The following RCAN2 variants were observed in gnomAD, a reference collection of about 807,000 sequenced individuals.
RCAN2 encodes calcipressin-2.
A neutral mutation model predicts 23.6 loss-of-function variants in RCAN2; 9 were observed. The observed-to-expected ratio is 0.38, with a 90% CI of 0.23 to 0.67. The LOEUF (loss-of-function observed/expected upper bound fraction) is 0.67. RCAN2 is among the 30% of genes least tolerant of loss of function. The probability of loss-of-function intolerance (pLI) is 0.51; values close to 1 mark genes in which losing one functional copy is unlikely to be tolerated. For missense variants in RCAN2, 273 were observed against 302.3 expected, an observed-to-expected ratio of 0.90 and a Z score of 0.72; for synonymous variants, 109 against 115.7, an observed-to-expected ratio of 0.94 and a Z score of 0.37.
intron 2 of RCAN2, among the ~76,000 whole-genome samples, chr6:46,279,780 C>G (rs1767840395): frequency 6.6e-6 from 1 of 152,156 alleles, no homozygotes; most frequent in Non-Finnish European, 1.5e-5. Flanking sequence ...AACTGTCAGT[C>G]TTGTCATCTG....
At chr6:46,229,617 C>T (rs537885014) in intron 4 of RCAN2, among the ~76,000 whole-genome samples, 2 of 152,320 alleles carry the variant, frequency 1.3e-5, no homozygotes, top group Admixed American at 6.5e-5. Context: ...TTTTCAGCTC[C>T]ATCAGGTCAT....
At chr6:46,240,564 A>G (rs1397608323) in intron 4 of RCAN2, among the ~76,000 whole-genome samples, 1 of 152,278 alleles carries the variant, frequency 6.6e-6, no homozygotes, top group East Asian at 1.9e-4. Flanking sequence ...AGACTGTGCT[A>G]ATGGGAACAC....
chr6:46,281,011 T>C (rs1767893157), intron 2 of RCAN2, among the ~76,000 whole-genome samples: 1 of 152,204 alleles, frequency 6.6e-6, no homozygotes, highest in South Asian at 2.1e-4. Context: ...GCATTAGCCA[T>C]ACCCCTATGG....
At chr6:46,229,796 T>A (rs1765814197) in intron 4 of RCAN2, among the ~76,000 whole-genome samples, 1 of 152,202 alleles carries the variant, frequency 6.6e-6, no homozygotes, top group African/African-American at 2.4e-5. Flanking sequence ...TCATTCTCCA[T>A]CCAGCTTTGT....
intron 4 of RCAN2, 31 bp downstream of exon 4, chr6:46,246,717 G>T (rs781513386): frequency 6.2e-7 from 1 of 1,602,154 alleles, no homozygotes. Flanking sequence ...GCTGACAAAC[G>T]TTTATTTTTA....
Position 46,446,314 on chromosome 6 carries a change from G to T in RCAN2, c.225+10438C>A, listed in dbSNP as rs1280088533. Among the ~76,000 whole-genome samples, 2 of 134,396 alleles carry T rather than the reference G, an allele frequency of 1.5e-5. 1 individual carries two copies. Among genetic ancestry groups the T allele is most frequent in the South Asian group, 5.3e-4 (2 of 3,746 alleles). The allele number at this position is 134,396 out of a possible 152,430, so 88.2% of individuals were successfully genotyped here. On this transcript the variant is annotated intron_variant, in intron 2 of 4. Transcript: ENST00000371374. ...GCAGGGTGTGTGTGTGGGTGGGGGTGCTGGGGGGAAACTGCCAACCAAGAA... is the reference window on the plus strand; with the variant it reads ...GCAGGGTGTGTGTGTGGGTGGGGGTTCTGGGGGGAAACTGCCAACCAAGAA...
chr6:46,470,160 A>G (rs1768518699), intron 1 of RCAN2, among the ~76,000 whole-genome samples: 1 of 152,236 alleles, frequency 6.6e-6, no homozygotes. Flanking sequence ...AACCATCACA[A>G]TAGACACCAT....
intron 2 of RCAN2, among the ~76,000 whole-genome samples, chr6:46,377,530 C>A (rs1765510664): frequency 6.6e-6 from 1 of 152,198 alleles, no homozygotes; most frequent in South Asian, 2.1e-4. Context: ...TTGAAGAAGA[C>A]CCTCGAAGCC....
chr6:46,418,273 G>A (rs181882562), intron 2 of RCAN2, among the ~76,000 whole-genome samples: 35 of 152,184 alleles, frequency 2.3e-4, no homozygotes, highest in Admixed American at 2.0e-3. Flanking sequence ...TTATATAAAT[G>A]TGCAAGTTAA....
At chr6:46,363,334 G>T (rs1765071544) in intron 2 of RCAN2, among the ~76,000 whole-genome samples, 1 of 152,154 alleles carries the variant, frequency 6.6e-6, no homozygotes. Context: ...GGAGGACAAT[G>T]TATGATACTT....
intron 2 of RCAN2, among the ~76,000 whole-genome samples, chr6:46,261,707 C>T (rs10948287): frequency 0.57 from 86,376 of 152,054 alleles, 29,564 homozygotes; most frequent in Non-Finnish European, 0.77. Flanking sequence ...AAAATGTCTC[C>T]TATGAAATCA....
In RCAN2 at chr6:46,382,529, C is replaced by G. The variant is rs1452019697; in HGVS notation, c.225+74223G>C. On this transcript the variant is annotated intron_variant, in intron 2 of 4. Coordinates refer to ENST00000371374, the MANE Select transcript of RCAN2 (RefSeq NM_001251974.2). ...TCAGGCAAATGTAACAGCACACAGG[C>G]AAACTGTACAAATTCAGCAAAACAA... Among the ~76,000 whole-genome samples, 3 of 152,146 alleles carry G rather than the reference C, an allele frequency of 2.0e-5. No individual in the cohort carries two copies. In the South Asian group the frequency reaches 6.2e-4, roughly 32 times the overall value.
intron 2 of RCAN2, among the ~76,000 whole-genome samples, chr6:46,308,102 A>G (rs1056899706): frequency 6.6e-6 from 1 of 152,174 alleles, no homozygotes; most frequent in Non-Finnish European, 1.5e-5. Context: ...CTGACAACCC[A>G]GTTTGGATCT....
chr6:46,246,968 T>C, intron 3 of RCAN2, 49 bp from the exon 4 acceptor site: 1 of 1,425,474 alleles, frequency 7.0e-7, no homozygotes, highest in South Asian at 1.5e-5. Flanking sequence ...TGGCTTCAGA[T>C]GTGTCATGTT....
At chr6:46,380,458 T>C (rs554681194) in intron 2 of RCAN2, among the ~76,000 whole-genome samples, 1 of 152,336 alleles carries the variant, frequency 6.6e-6, no homozygotes, top group East Asian at 1.9e-4. Flanking sequence ...AGATCAGTAG[T>C]TCTCAAAGTG....
intron 2 of RCAN2, among the ~76,000 whole-genome samples, chr6:46,448,064 C>A (rs1308032188): frequency 6.6e-6 from 1 of 151,380 alleles, no homozygotes; most frequent in African/African-American, 2.4e-5. Flanking sequence ...TGGCCTTTTA[C>A]AAAGATAAAC....
At chr6:46,302,359 T>C (rs1253101939) in intron 2 of RCAN2, among the ~76,000 whole-genome samples, 1 of 152,056 alleles carries the variant, frequency 6.6e-6, no homozygotes, top group Non-Finnish European at 1.5e-5. Context: ...TGGATCTCAG[T>C]AACAGGAGAC....
intron 2 of RCAN2, among the ~76,000 whole-genome samples, chr6:46,281,969 T>C (rs1413911392): frequency 6.6e-6 from 1 of 152,180 alleles, no homozygotes; most frequent in Non-Finnish European, 1.5e-5. Context: ...TCATCATTAA[T>C]GGTAACTTTC....
chr6:46,368,586 C>T (rs1181144105), intron 2 of RCAN2, among the ~76,000 whole-genome samples: 1 of 152,162 alleles, frequency 6.6e-6, no homozygotes, highest in Non-Finnish European at 1.5e-5. Context: ...AAGCTACAAA[C>T]CTGTGTGGCA....
Sources: allele counts gnomAD v4.1 joint callset (sites outside exome capture counted in the v4.1 genomes callset), GRCh38; gene constraint gnomAD v4.1.1; transcripts MANE v1.5; gene names NCBI Gene and HGNC (gene_info 2026-07-23, HGNC 2026-07-21).